The following CERS3 variants were observed in gnomAD, a reference collection of about 807,000 sequenced individuals.
The protein encoded by CERS3 is LAG1 homolog, ceramide synthase 3.
A neutral mutation model predicts 50.3 loss-of-function variants in CERS3; 33 were observed. The ratio of observed to expected loss-of-function variants is 0.66; its 90% CI spans 0.50 to 0.88. CERS3 has a LOEUF of 0.88. Among genes scored for constraint, CERS3 ranks in the 40% least tolerant of loss-of-function variants. CERS3 has a pLI of 0.00. For synonymous variants in CERS3, 176 were observed against 155.2 expected (o/e 1.13, Z -0.99); for missense variants, 470 against 460.3 (o/e 1.02, Z -0.19).
At chr15:100,537,847 T>C (rs554311244) in intron 1 of CERS3, among the ~76,000 whole-genome samples, 3 of 152,238 alleles carry the variant, frequency 2.0e-5, no homozygotes, top group Middle Eastern at 3.4e-3. Flanking sequence ...ATTCCAGCAT[T>C]AACCCAAAAG....
rs2035633788 is a variant in CERS3 at position 100,490,994 on chromosome 15, A to G, written c.174-63T>C. On this transcript the variant is annotated intron_variant, in intron 3 of 11. Transcript: ENST00000679737. ...AGAATAAATCCACGATGACACCAGA[A>G]AATTAAAGCTGTAACTTCAGGTTTC... The G allele has an allele frequency of 4.1e-6, 4 of 967,318 alleles. No homozygotes were observed. The African/African-American group carries it at 5.0e-5, about 12-fold the overall frequency. The allele number at this position is 967,318 out of a possible 1,614,324, so 59.9% of individuals were successfully genotyped here.
chr15:100,487,841 T>A (rs2035534425), intron 4 of CERS3, among the ~76,000 whole-genome samples: 1 of 152,250 alleles, frequency 6.6e-6, no homozygotes. Flanking sequence ...CTTTATTGAA[T>A]GTAGTAACTG....
intron 10 of CERS3, among the ~76,000 whole-genome samples, chr15:100,466,774 TTCCTTCCTTCCTTCC>T (rs1417151184): frequency 0.01 from 302 of 29,066 alleles, 38 homozygotes; most frequent in East Asian, 0.019. Context: ...CCTTCCTTCC[TTCCTTCCTTCCTTCC>T]TTCCTCCCTC....
intron 3 of CERS3, among the ~76,000 whole-genome samples, chr15:100,496,013 A>C (rs1406390750): frequency 6.6e-6 from 1 of 152,174 alleles, no homozygotes; most frequent in Non-Finnish European, 1.5e-5. Flanking sequence ...ATATACATGA[A>C]ATTATACAAT....
intron 7 of CERS3, among the ~76,000 whole-genome samples, chr15:100,479,205 G>A (rs2035225547): frequency 6.6e-6 from 1 of 151,998 alleles, no homozygotes; most frequent in African/African-American, 2.4e-5. Flanking sequence ...TAAATAGTAA[G>A]ATGGTAGATT....
intron 1 of CERS3, among the ~76,000 whole-genome samples, chr15:100,538,763 G>C (rs577433233): frequency 6.6e-6 from 1 of 152,330 alleles, no homozygotes; most frequent in East Asian, 1.9e-4. Flanking sequence ...GGTGATGAAC[G>C]TTTGGTTCCT....
Position 100,539,263 on chromosome 15 carries a change from A to C in CERS3, c.-355+5388T>G, listed in dbSNP as rs73477718. On this transcript the variant is annotated intron_variant, in intron 1 of 12. Coordinates refer to the CERS3 transcript ENST00000284382. ...ATCCTCCTGTCTTCTGAGCCCTCCAAAGTGTTCCAACCCCTGCCTGCTACC... is the reference window on the plus strand; with the variant it reads ...ATCCTCCTGTCTTCTGAGCCCTCCACAGTGTTCCAACCCCTGCCTGCTACC... Among the ~76,000 whole-genome samples the C allele has an allele frequency of 8.5e-3, 1,294 of 152,184 alleles. 23 individuals are homozygous for C. The highest frequency in any genetic ancestry group is 0.029 in the African/African-American group (1,214 of 41,500).
intron 11 of CERS3, among the ~76,000 whole-genome samples, chr15:100,407,704 T>A (rs2031159457): frequency 6.6e-6 from 1 of 152,248 alleles, no homozygotes. Context: ...ACTGGACATT[T>A]ATAGATTCTT....
intron 11 of CERS3, among the ~76,000 whole-genome samples, chr15:100,409,961 C>T (rs189410098): frequency 5.7e-4 from 87 of 152,298 alleles, no homozygotes; most frequent in African/African-American, 2.0e-3. Flanking sequence ...GTGGCACACA[C>T]GCCTGTCATC....
intron 11 of CERS3, among the ~76,000 whole-genome samples, chr15:100,421,159 A>G (rs1402890337): frequency 2.0e-5 from 3 of 151,796 alleles, no homozygotes; most frequent in East Asian, 1.9e-4. Context: ...GTTTGCAGAC[A>G]ACATGATTGT....
chr15:100,506,600 C>T (rs1368533557), intron 2 of CERS3, among the ~76,000 whole-genome samples: 1 of 152,144 alleles, frequency 6.6e-6, no homozygotes, highest in Non-Finnish European at 1.5e-5. Context: ...AATTCTACTC[C>T]TAGGCATGTA....
intron 11 of CERS3, among the ~76,000 whole-genome samples, chr15:100,418,946 AG>A (rs1446034888): frequency 6.9e-6 from 1 of 144,724 alleles, no homozygotes; most frequent in Non-Finnish European, 1.5e-5. Flanking sequence ...AAACATGGAA[AG>A]GAACAACCAG....
In CERS3 at chr15:100,528,862, G is replaced by A. The variant is rs2036870003; in HGVS notation, c.-141C>T. 6.6e-6 allele frequency: 1 copy of A among 152,242 alleles called. No individual in the cohort carries two copies. The highest frequency in any genetic ancestry group is 6.5e-5 in the Admixed American group (1 of 15,280). The allele number at this position is 152,242 out of a possible 1,614,324, so 9.4% of individuals were successfully genotyped here. A position where few individuals can be genotyped will look rare whatever the true frequency, so the allele number is the denominator to read the frequency against. Reference sequence around the variant, plus strand: ...AGGTGCCCCTTGCTTGTGAAGTGTAGTCAGAGAGCAGCTTCCAACGTTCCA... The same window carrying A: ...AGGTGCCCCTTGCTTGTGAAGTGTAATCAGAGAGCAGCTTCCAACGTTCCA... On this transcript the variant is annotated 5_prime_UTR_variant, in exon 1 of 12. Transcript: ENST00000679737.
At chr15:100,441,603 C>T (rs923907757) in intron 11 of CERS3, among the ~76,000 whole-genome samples, 7 of 152,096 alleles carry the variant, frequency 4.6e-5, no homozygotes, top group Non-Finnish European at 1.0e-4. Context: ...CTCTTTAACT[C>T]GCACCTGACC....
chr15:100,466,140 T>A (rs1296842752), intron 10 of CERS3, among the ~76,000 whole-genome samples: 3 of 152,220 alleles, frequency 2.0e-5, no homozygotes, highest in African/African-American at 4.8e-5. Context: ...AATGCTGGCA[T>A]GAGAATGAGT....
At chr15:100,466,485 A>C (rs2034720057) in intron 10 of CERS3, among the ~76,000 whole-genome samples, 1 of 152,110 alleles carries the variant, frequency 6.6e-6, no homozygotes, top group Non-Finnish European at 1.5e-5. Flanking sequence ...AGATTTAGTG[A>C]CCTGGTTCCA....
chr15:100,515,386 A>G (rs1419446180), intron 2 of CERS3, among the ~76,000 whole-genome samples: 2 of 152,186 alleles, frequency 1.3e-5, no homozygotes, highest in Admixed American at 1.3e-4. Context: ...GGTAATAAAG[A>G]CACAATAGCA....
chr15:100,418,955 C>A lies in CERS3; in HGVS notation c.1000-16090G>T, dbSNP rs905271315. Among the ~76,000 whole-genome samples the A allele has an allele frequency of 3.8e-5, 5 of 133,160 alleles. No individual in the cohort carries two copies. In the Admixed American group the frequency reaches 4.0e-4, roughly 11 times the overall value. The allele number at this position is 133,160 out of a possible 152,430, so 87.4% of individuals were successfully genotyped here. A position where few individuals can be genotyped will look rare whatever the true frequency, so the allele number is the denominator to read the frequency against. The stretch of plus-strand genomic sequence containing the variant: ...AGCACTAAACATGGAAAGGAACAAC[C>A]AGTACCAGCCACTGCAAAATCGTGC... On this transcript the variant is annotated intron_variant, in intron 11 of 11. Coordinates refer to ENST00000679737, the MANE Select transcript of CERS3 (RefSeq NM_001378789.1).
At chr15:100,496,568 G>A (rs1340364839) in intron 3 of CERS3, among the ~76,000 whole-genome samples, 3 of 152,132 alleles carry the variant, frequency 2.0e-5, no homozygotes, top group African/African-American at 7.2e-5. Context: ...GAATTTTTTA[G>A]CTGACAGAAA....
Sources: gnomAD v4.1 joint callset for allele counts (sites outside exome capture counted in the v4.1 genomes callset) on GRCh38, gnomAD v4.1.1 for gene constraint, MANE v1.5 for transcripts, NCBI Gene and HGNC (gene_info 2026-07-23, HGNC 2026-07-21) for gene names.